The following TIE1 variants were observed in gnomAD, a reference collection of about 807,000 sequenced individuals.
TIE1 encodes the protein tyrosine kinase with immunoglobulin like and EGF like domains 1.
Under a neutral mutation model 130.5 loss-of-function variants are expected in TIE1, and 89 were observed. That is an observed-to-expected ratio of 0.68 (90% CI 0.57 to 0.81). TIE1 has a LOEUF of 0.81. TIE1 is among the 40% of genes least tolerant of loss of function. The probability of loss-of-function intolerance (pLI) is 0.00; values close to 1 mark genes in which losing one functional copy is unlikely to be tolerated. For synonymous variants in TIE1, 568 were observed against 629.4 expected, an observed-to-expected ratio of 0.90 and a Z score of 1.46; for missense variants, 1,392 against 1,559.8, an observed-to-expected ratio of 0.89 and a Z score of 1.81.
chr1:43,302,312 G>A (rs1646678284), intron 1 of TIE1: 1 of 152,250 alleles, frequency 6.6e-6, no homozygotes, highest in African/African-American at 2.4e-5. Flanking sequence ...AGTTGGCACA[G>A]TGCACTGTGC....
In TIE1 at chr1:43,322,958, GGT is replaced by G; in HGVS notation, c.*241_*242del. On this transcript the variant is annotated 3_prime_UTR_variant, in exon 23 of 23. Coordinates refer to ENST00000372476, the MANE Select transcript of TIE1 (RefSeq NM_005424.5). The surrounding 1 kb of genome is among the most constrained non-coding windows in gnomAD (Gnocchi z 4.0). ...TTCTTTCTAGTTCAGCTGCCCCACA[GGT>G]GTGTTTCCCATCCCACTGCTCCCCC... is the stretch of plus-strand genomic sequence containing the variant. 1 of 523,416 alleles carries G rather than the reference GGT, an allele frequency of 1.9e-6. No individual in the cohort carries two copies. Among genetic ancestry groups the G allele is most frequent in the East Asian group, 3.2e-5 (1 of 31,414 alleles). 32.4% of individuals were successfully genotyped at this position (523,416 alleles called of 1,614,324 possible).
At chr1:43,308,184 G>A (rs1646750272) in intron 7 of TIE1, among the ~76,000 whole-genome samples, 1 of 152,250 alleles carries the variant, frequency 6.6e-6, no homozygotes, top group Middle Eastern at 3.2e-3. Flanking sequence ...GAATGTGGGA[G>A]CCCAGAGGAT....
chr1:43,305,067 G>T lies in TIE1; in HGVS notation c.275G>T (p.Gly92Val), dbSNP rs1213094474. The T allele has an allele frequency of 1.9e-6, 3 of 1,610,032 alleles. No homozygotes were observed. Among genetic ancestry groups the T allele is most frequent in the South Asian group, 1.1e-5 (1 of 90,802 alleles). ...GGTTCGCACCAGGTCACGCTTCGCG[G>T]CTTCTCCAAGCCCTCGGACCTCGTG... ...RNGSHQVTLRGFSKPSDLVGV... is the reference protein window; with the variant it reads ...RNGSHQVTLRVFSKPSDLVGV... The change falls in exon 2 of 23, where the codon GGC (glycine) becomes GTC (valine). Residue 92 changes from glycine to valine, a missense_variant. This residue lies in a region of TIE1 where 415 missense variants were observed against 424.8 expected (regional missense o/e 0.98). Coordinates refer to ENST00000372476, the MANE Select transcript of TIE1 (RefSeq NM_005424.5).
rs2153911222 is a variant in TIE1 at position 43,309,178 on chromosome 1, T to A, written c.1188+47T>A. On this transcript the variant is annotated intron_variant, in intron 8 of 22. Coordinates refer to ENST00000372476, the MANE Select transcript of TIE1 (RefSeq NM_005424.5). The surrounding 1 kb of genome is among the most constrained non-coding windows in gnomAD (Gnocchi z 6.3). Reference sequence around the variant, plus strand: ...CCCACCAGCCCCTCAGGCCGCCTGCTTCACAGCTGATCCCTAAGACCCCCT... The same window carrying A: ...CCCACCAGCCCCTCAGGCCGCCTGCATCACAGCTGATCCCTAAGACCCCCT... The A allele has an allele frequency of 6.4e-7, 1 of 1,552,534 alleles. No individual in the cohort carries two copies. The highest frequency in any genetic ancestry group is 2.3e-5 in the East Asian group (1 of 44,298).
At chr1:43,304,427 T>C (rs181064168) in intron 1 of TIE1, among the ~76,000 whole-genome samples, 13 of 152,288 alleles carry the variant, frequency 8.5e-5, no homozygotes, top group African/African-American at 3.1e-4. Context: ...ACAGCAACCT[T>C]TGCAGGGCAG....
intron 7 of TIE1, among the ~76,000 whole-genome samples, chr1:43,308,290 A>G (rs1646751045): frequency 1.3e-5 from 2 of 152,224 alleles, no homozygotes; most frequent in African/African-American, 4.8e-5. Flanking sequence ...CTGAGGAAAG[A>G]ACAAGAGCAA....
chr1:43,314,411 G>T, intron 14 of TIE1: 1 of 1,115,022 alleles, frequency 9.0e-7, no homozygotes, highest in Non-Finnish European at 1.1e-6. Flanking sequence ...GCCAGCCTCT[G>T]TCTGCACACA....
chr1:43,314,538 A>C (rs1242844864), intron 14 of TIE1: 9 of 998,906 alleles, frequency 9.0e-6, no homozygotes, highest in Non-Finnish European at 9.5e-6. Context: ...TTGGAGACTT[A>C]AGAAAGGGGC....
Position 43,306,937 on chromosome 1 carries a change from T to C in TIE1, c.582T>C (p.Ser194=). 6.2e-7 allele frequency: 1 copy of C among 1,614,018 alleles called. No homozygotes were observed. Among genetic ancestry groups the C allele is most frequent in the Non-Finnish European group, 8.5e-7 (1 of 1,180,016 alleles). ...NVQPPSSGIY[S]ATYLEASPLG... is the part of the protein sequence containing the mutation. The stretch of plus-strand genomic sequence containing the variant: ...AGCCACCATCGAGCGGCATCTACAG[T>C]GCCACTTACCTGGAAGCCAGCCCCC... Residue 194 remains serine, a synonymous_variant, in exon 4 of 23, where the codon AGT becomes AGC. Transcript: ENST00000372476. The surrounding 1 kb of genome is among the most constrained non-coding windows in gnomAD (Gnocchi z 4.9).
At chr1:43,321,361 G>C in intron 20 of TIE1, 35 bp from the exon 21 acceptor site, 1 of 1,613,792 alleles carries the variant, frequency 6.2e-7, no homozygotes, top group Non-Finnish European at 8.5e-7. Flanking sequence ...CCCACGTGGA[G>C]CCCTGGACCG....
Position 43,317,150 on chromosome 1 carries a change from C to T in TIE1, c.2410-49C>T, listed in dbSNP as rs372332256. On this transcript the variant is annotated intron_variant, in intron 14 of 22. Transcript: ENST00000372476. This position sits in a 1 kb window ranked among gnomAD's most constrained non-coding sequence, Gnocchi z 5.1. ...TGCCTGTCTGTGCCTCCTTCCGCCCCCTTTGACTCTTGCGTGGACCGTCTG... is the reference window on the plus strand; with the variant it reads ...TGCCTGTCTGTGCCTCCTTCCGCCCTCTTTGACTCTTGCGTGGACCGTCTG... The T allele has an allele frequency of 1.9e-6, 3 of 1,596,608 alleles. No individual in the cohort carries two copies. The highest frequency in any genetic ancestry group is 1.7e-5 in the Admixed American group (1 of 60,000).
In TIE1 at chr1:43,313,659, T is replaced by G. The variant is rs1646828258; in HGVS notation, c.2219-119T>G. 8.3e-7 allele frequency: 1 copy of G among 1,204,656 alleles called. No homozygotes were observed. The highest frequency in any genetic ancestry group is 2.6e-5 in the Admixed American group (1 of 38,116). 74.6% of individuals were successfully genotyped at this position (1,204,656 alleles called of 1,614,324 possible). On this transcript the variant is annotated intron_variant, in intron 13 of 22. Transcript: ENST00000372476. The surrounding 1 kb of genome is among the most constrained non-coding windows in gnomAD (Gnocchi z 6.2). ...CATCCCTTCCTTCATGTGGCCCAAG[T>G]GATTTCCTGACAGTCCTGGCACTGG...
Position 43,322,546 on chromosome 1 carries a change from A to G in TIE1, c.3346-105A>G. On this transcript the variant is annotated intron_variant, in intron 22 of 22. Transcript: ENST00000372476. The surrounding 1 kb of genome is among the most constrained non-coding windows in gnomAD (Gnocchi z 4.0). ...CATGGGGCCATCTTAGGTCTCCAGA[A>G]CAAATCAGTGTCAGTTCAAATGCCC... 1 of 850,470 alleles carries G rather than the reference A, an allele frequency of 1.2e-6. No individual in the cohort carries two copies. Among genetic ancestry groups the G allele is most frequent in the Non-Finnish European group, 1.9e-6 (1 of 517,858 alleles). The allele number at this position is 850,470 out of a possible 1,614,324, so 52.7% of individuals were successfully genotyped here. A position where few individuals can be genotyped will look rare whatever the true frequency, so the allele number is the denominator to read the frequency against.
At position 43,308,058 on chromosome 1, in the gene TIE1, G is replaced by A. The variant is rs1035786118; in HGVS notation, c.1042+134G>A. The A allele has an allele frequency of 4.5e-6, 6 of 1,325,104 alleles. No individual in the cohort carries two copies. In the African/African-American group the frequency reaches 7.3e-5, roughly 16 times the overall value. 82.1% of individuals were successfully genotyped at this position (1,325,104 alleles called of 1,614,324 possible). The stretch of plus-strand genomic sequence containing the variant: ...CCTGCCCTCAGGGAGCTTAGAGTCT[G>A]ATGGACAGGGAGCTCTGGCAGGGAG... On this transcript the variant is annotated intron_variant, in intron 7 of 22. Coordinates refer to ENST00000372476, the MANE Select transcript of TIE1 (RefSeq NM_005424.5).
Position 43,319,689 on chromosome 1 carries a change from A to G in TIE1, c.3107+160A>G. ...GTCTTGGGTATAAAGTACCTAGCCA[A>G]GGTGGGGCTTGCTGGAAGGAGTCTT... On this transcript the variant is annotated intron_variant, in intron 19 of 22. Coordinates refer to ENST00000372476, the MANE Select transcript of TIE1 (RefSeq NM_005424.5). The surrounding 1 kb of genome is among the most constrained non-coding windows in gnomAD (Gnocchi z 4.7). 2.9e-6 allele frequency: 2 copies of G among 698,364 alleles called. No individual in the cohort carries two copies. Among genetic ancestry groups the G allele is most frequent in the Non-Finnish European group, 5.0e-6 (2 of 400,654 alleles). 43.3% of individuals were successfully genotyped at this position (698,364 alleles called of 1,614,324 possible). A position where few individuals can be genotyped will look rare whatever the true frequency, so the allele number is the denominator to read the frequency against.
intron 9 of TIE1, among the ~76,000 whole-genome samples, chr1:43,311,202 T>A (rs533103725): frequency 2.0e-4 from 31 of 152,184 alleles, no homozygotes; most frequent in Non-Finnish European, 3.4e-4. Flanking sequence ...TAATGCAGGG[T>A]AATGTGCCCT....
rs1646663599 is a variant in TIE1 at position 43,300,996 on chromosome 1, A to G, written c.-76A>G. 2 of 1,516,110 alleles carry G rather than the reference A, an allele frequency of 1.3e-6. No homozygotes were observed. The highest frequency in any genetic ancestry group is 2.4e-5 in the East Asian group (1 of 42,404). The allele number at this position is 1,516,110 out of a possible 1,614,324, so 93.9% of individuals were successfully genotyped here. A position where few individuals can be genotyped will look rare whatever the true frequency, so the allele number is the denominator to read the frequency against. On this transcript the variant is annotated 5_prime_UTR_variant, in exon 1 of 23. Transcript: ENST00000372476. ...AGCACCGACCCACACTGACCAACAC[A>G]GGCTGAGCAGTCAGGCCCACAGCAT...
chr1:43,313,929 C>A lies in TIE1; in HGVS notation c.2370C>A (p.Cys790Ter). Residue 790 changes from cysteine (C) to a stop codon, truncating the protein, a stop_gained, in exon 14 of 23, where the codon TGC (cysteine) becomes TGA (stop). Coordinates refer to ENST00000372476, the MANE Select transcript of TIE1 (RefSeq NM_005424.5). LOFTEE classifies it high-confidence loss of function. The surrounding 1 kb of genome is among the most constrained non-coding windows in gnomAD (Gnocchi z 6.2). ...CCCTGGTGTGCATCCGCAGAAGCTG[C>A]CTGCATCGGAGACGCACCTTCACCT... ...LLTLVCIRRS[C>*]LHRRRTFTYQ... is the part of the protein sequence containing the mutation. 6.2e-7 allele frequency: 1 copy of A among 1,614,196 alleles called. No homozygotes were observed. The highest frequency in any genetic ancestry group is 2.2e-5 in the East Asian group (1 of 44,878).
intron 7 of TIE1, among the ~76,000 whole-genome samples, chr1:43,308,432 G>A (rs2367615): frequency 2.4e-4 from 4 of 16,786 alleles, no homozygotes; most frequent in African/African-American, 2.2e-3. Context: ...AGGTTTGGGT[G>A]CCAGGACAGT....
Sources: allele counts gnomAD v4.1 joint callset (sites outside exome capture counted in the v4.1 genomes callset), GRCh38; gene constraint gnomAD v4.1.1; regional missense constraint gnomAD v4.1.1; non-coding constraint Gnocchi (gnomAD v3.1); transcripts MANE v1.5; gene names NCBI Gene and HGNC (gene_info 2026-07-23, HGNC 2026-07-21).